DGKH: variants seen among roughly 807,000 people sequenced by gnomAD.
DGKH encodes the protein DAG kinase eta.
A neutral mutation model predicts 159.3 loss-of-function variants in DGKH; 90 were observed. The ratio of observed to expected loss-of-function variants is 0.57; its 90% CI spans 0.48 to 0.67. DGKH has a LOEUF of 0.67. Among genes scored for constraint, DGKH ranks in the 30% least tolerant of loss-of-function variants. The pLI is 0.00. For missense variants in DGKH, 1,181 were observed against 1,506.1 expected (o/e 0.78, Z 3.57); for synonymous variants, 536 against 553.8 (o/e 0.97, Z 0.45).
chr13:42,106,919 C>CTGT (rs1221338176), intron 1 of DGKH, among the ~76,000 whole-genome samples: 5 of 152,074 alleles, frequency 3.3e-5, no homozygotes, highest in Non-Finnish European at 7.4e-5. Context: ...TGGCAGGTGC[C>CTGT]TGTAATCACA....
intron 13 of DGKH, among the ~76,000 whole-genome samples, chr13:42,181,276 CAAAAAAAAAAAAAA>C (rs34220072): frequency 4.9e-5 from 4 of 81,238 alleles, no homozygotes; most frequent in Non-Finnish European, 9.9e-5. Flanking sequence ...GACTCTGTCT[CAAAAAAAAAAAAAA>C]AAAAAAAAAA....
At chr13:42,059,213 T>C (rs1290530031) in intron 1 of DGKH, among the ~76,000 whole-genome samples, 1 of 152,156 alleles carries the variant, frequency 6.6e-6, no homozygotes, top group Non-Finnish European at 1.5e-5. Context: ...GTGGTGTGTA[T>C]AGGCCACTGT....
intron 1 of DGKH, among the ~76,000 whole-genome samples, chr13:42,063,765 C>A (rs2137673111): frequency 6.6e-6 from 1 of 152,174 alleles, no homozygotes; most frequent in East Asian, 1.9e-4. Flanking sequence ...CATGGAGAAA[C>A]CCCGTCTCTA....
At chr13:42,203,151 A>G (rs1408072551) in intron 20 of DGKH, among the ~76,000 whole-genome samples, 1 of 152,170 alleles carries the variant, frequency 6.6e-6, no homozygotes, top group African/African-American at 2.4e-5. Context: ...TGTTTAATTC[A>G]TTTCAGTAAT....
At chr13:42,117,616 G>A (rs1303112885) in intron 1 of DGKH, among the ~76,000 whole-genome samples, 2 of 151,992 alleles carry the variant, frequency 1.3e-5, no homozygotes, top group Non-Finnish European at 2.9e-5. Flanking sequence ...AACATAGAGA[G>A]GTTTGTAGCT....
At chr13:42,252,165 A>G (rs1958625072) in intron 29 of DGKH, among the ~76,000 whole-genome samples, 1 of 151,996 alleles carries the variant, frequency 6.6e-6, no homozygotes. Context: ...AATTTGTGTA[A>G]GAACAGAATT....
Position 42,119,237 on chromosome 13 carries a change from T to C in DGKH, c.193-8226T>C, listed in dbSNP as rs551740882. Among the ~76,000 whole-genome samples, 8 of 152,254 alleles carry C rather than the reference T, an allele frequency of 5.3e-5. No homozygotes were observed. The South Asian group carries it at 1.7e-3, about 32-fold the overall frequency. On this transcript the variant is annotated intron_variant, in intron 1 of 29. Transcript: ENST00000337343. ...CATCTTGAAATAGGACTGTATTGAA[T>C]GGGCATGACTGGACTGCATATTTTA... is the stretch of plus-strand genomic sequence containing the variant.
In DGKH at chr13:42,189,112, C is replaced by G; in HGVS notation, c.1715C>G (p.Pro572Arg). 1 of 1,614,256 alleles carries G rather than the reference C, an allele frequency of 6.2e-7. No homozygotes were observed. Among genetic ancestry groups the G allele is most frequent in the Non-Finnish European group, 8.5e-7 (1 of 1,180,042 alleles). The change falls in exon 15 of 30, where the codon CCT becomes CGT. Residue 572 changes from proline (P) to arginine (R), a missense_variant. Physicochemically the swap from Pro to Arg is moderately radical, Grantham distance 103. Around this residue, in one of 5 missense-constraint regions of DGKH, gnomAD observed 257 missense variants for 281.5 expected, o/e 0.91. Transcript: ENST00000337343. ...GATTCCCAGGCTGCGCCTGTTCTCC[C>G]TGGCCTCAGCCCTCTCATTGTGGAA... is the stretch of plus-strand genomic sequence containing the variant. ...HTDSQAAPVLPGLSPLIVEED... is the reference protein window; with the variant it reads ...HTDSQAAPVLRGLSPLIVEED...
chr13:42,196,827 T>C (rs1014635777), intron 17 of DGKH, among the ~76,000 whole-genome samples: 5 of 152,154 alleles, frequency 3.3e-5, no homozygotes, highest in African/African-American at 1.2e-4. Flanking sequence ...AAAAGAAAGA[T>C]CAATCTGAAA....
chr13:42,130,205 T>C (rs1433636069), intron 3 of DGKH, among the ~76,000 whole-genome samples: 3 of 152,222 alleles, frequency 2.0e-5, no homozygotes, highest in Non-Finnish European at 2.9e-5. Flanking sequence ...CTCAGCATTC[T>C]AGTATTACCA....
intron 29 of DGKH, among the ~76,000 whole-genome samples, chr13:42,227,578 G>A (rs1292112551): frequency 6.6e-6 from 1 of 152,140 alleles, no homozygotes; most frequent in East Asian, 1.9e-4. Context: ...CTAGGATTTG[G>A]CCTTGCTTTT....
Position 42,250,284 on chromosome 13 carries a change from TA to T in DGKH, n.4055-2113del, listed in dbSNP as rs35902487. Among the ~76,000 whole-genome samples the T allele has an allele frequency of 3.4e-3, 490 of 145,278 alleles. 1 individual carries two copies. The highest frequency in any genetic ancestry group is 0.014 in the Middle Eastern group (4 of 290). Reference sequence around the variant, plus strand: ...ACGACCGGCCACTCCAGCTCCTATTTAAAAAAAAAAAAGTTTATAATTAACA... The same window carrying T: ...ACGACCGGCCACTCCAGCTCCTATTTAAAAAAAAAAAGTTTATAATTAACA... On this transcript the variant is annotated intron_variant and non_coding_transcript_variant, in intron 29 of 30. Transcript: ENST00000498255.
Position 42,239,007 on chromosome 13 carries a change from C to G in DGKH, c.*9819C>G, listed in dbSNP as rs527941264. On this transcript the variant is annotated 3_prime_UTR_variant, in exon 30 of 30. Transcript: ENST00000337343. ...CAGGGAAAAGATTGGAGTTCATCAC[C>G]GTGGAATTTTGATCTGTCTTAATGA... 1 of 151,950 alleles carries G rather than the reference C, an allele frequency of 6.6e-6. No homozygotes were observed. The highest frequency in any genetic ancestry group is 1.5e-5 in the Non-Finnish European group (1 of 67,960). 9.4% of individuals were successfully genotyped at this position (151,950 alleles called of 1,614,324 possible). A position where few individuals can be genotyped will look rare whatever the true frequency, so the allele number is the denominator to read the frequency against.
At chr13:42,119,945 A>T (rs1955036421) in intron 1 of DGKH, among the ~76,000 whole-genome samples, 1 of 152,192 alleles carries the variant, frequency 6.6e-6, no homozygotes, top group Non-Finnish European at 1.5e-5. Flanking sequence ...TCTCTTAAAT[A>T]CTGATAATAC....
At chr13:42,126,259 C>T (rs769059121) in intron 1 of DGKH, among the ~76,000 whole-genome samples, 23 of 152,056 alleles carry the variant, frequency 1.5e-4, no homozygotes, top group South Asian at 2.1e-4. Context: ...GAAAGTACTT[C>T]GTGGGGTGGG....
intron 13 of DGKH, among the ~76,000 whole-genome samples, chr13:42,184,831 C>T (rs1024660574): frequency 4.6e-5 from 7 of 151,696 alleles, no homozygotes; most frequent in Admixed American, 3.9e-4. Context: ...CACACCATTG[C>T]ACTCCAGCCT....
In DGKH at chr13:42,235,418, A is replaced by G. The variant is rs1005255772; in HGVS notation, c.*6230A>G. On this transcript the variant is annotated 3_prime_UTR_variant, in exon 30 of 30. Coordinates refer to ENST00000337343, the MANE Select transcript of DGKH (RefSeq NM_178009.5). ...GTATTTCATAGGAACTGCATTTCAA[A>G]AGTGAATTAACCAAACCTAAAAAAA... 2.0e-5 allele frequency: 3 copies of G among 152,176 alleles called. No homozygotes were observed. Among genetic ancestry groups the G allele is most frequent in the Admixed American group, 6.5e-5 (1 of 15,270 alleles). The allele number at this position is 152,176 out of a possible 1,614,324, so 9.4% of individuals were successfully genotyped here. A position where few individuals can be genotyped will look rare whatever the true frequency, so the allele number is the denominator to read the frequency against.
At chr13:42,147,467 A>G (rs2137915398) in intron 3 of DGKH, among the ~76,000 whole-genome samples, 1 of 152,290 alleles carries the variant, frequency 6.6e-6, no homozygotes, top group Non-Finnish European at 1.5e-5. Context: ...AAAATATTTT[A>G]GTTTTGTGGT....
At chr13:42,156,544 C>G (rs1266123290) in intron 5 of DGKH, among the ~76,000 whole-genome samples, 2 of 152,114 alleles carry the variant, frequency 1.3e-5, no homozygotes, top group Admixed American at 6.5e-5. Flanking sequence ...AATATAAGAG[C>G]AGTGACCACC....
Sources: allele counts gnomAD v4.1 joint callset (sites outside exome capture counted in the v4.1 genomes callset), GRCh38; gene constraint gnomAD v4.1.1; regional missense constraint gnomAD v4.1.1; transcripts MANE v1.5; gene names NCBI Gene and HGNC (gene_info 2026-07-23, HGNC 2026-07-21).